Variants in DEAF1 observed in about 807,000 individuals in gnomAD.
DEAF1 encodes the protein deformed epidermal autoregulatory factor 1 homolog.
DEAF1 carries 53 observed loss-of-function variants against 58.9 expected under a neutral mutation model. That is an observed-to-expected ratio of 0.90 (90% confidence interval 0.72 to 1.13). The LOEUF is 1.13. DEAF1 is among the 50% of genes most tolerant of loss of function. The pLI, the probability that DEAF1 is intolerant of heterozygous loss-of-function variation, is 0.00. For synonymous variants in DEAF1, 385 were observed against 340.4 expected (o/e 1.13, Z -1.44); for missense variants, 685 against 791.4 (o/e 0.87, Z 1.61).
chr11:666,889 A>G (rs1236551480), intron 10 of DEAF1, among the ~76,000 whole-genome samples: 30 of 151,538 alleles, frequency 2.0e-4, no homozygotes, highest in Admixed American at 1.2e-3. Context: ...AAAAAAAAAA[A>G]AAAAAAAAGA....
chr11:688,052 G>A lies in DEAF1; in HGVS notation c.523C>T (p.Gln175Ter), dbSNP rs778428564. 6.2e-7 allele frequency: 1 copy of A among 1,614,006 alleles called. No individual in the cohort carries two copies. Among genetic ancestry groups the A allele is most frequent in the Non-Finnish European group, 8.5e-7 (1 of 1,180,012 alleles). ...GGAGCCAGAGGGGTTGGAGGAGACT[G>A]AGGACCTTGGGCAGAGAAAGTGTTT... ...GPAAPLTPGPQSPPTPLAPGQ... is the reference protein window; with the variant it reads ...GPAAPLTPGP Residue 175 changes from glutamine (Q) to a stop codon, truncating the protein, a stop_gained, in exon 4 of 12, where the codon CAG becomes TAG. Coordinates refer to ENST00000382409, the MANE Select transcript of DEAF1 (RefSeq NM_021008.4). LOFTEE classifies it high-confidence loss of function. This position sits in a 1 kb window ranked among gnomAD's most constrained non-coding sequence, Gnocchi z 4.3.
chr11:674,499 G>A lies in DEAF1; in HGVS notation c.1503+37C>T, dbSNP rs6597996. Reference sequence around the variant, plus strand: ...GCACCAGGGTGGCCTGGGGTTACTCGGCACAGGTCGTGTCTTCCCATTTGT... The same window carrying A: ...GCACCAGGGTGGCCTGGGGTTACTCAGCACAGGTCGTGTCTTCCCATTTGT... On this transcript the variant is annotated intron_variant, in intron 10 of 11. Transcript: ENST00000382409. The A allele has an allele frequency of 0.55, 882,752 of 1,612,726 alleles. 245,865 individuals carry two copies. The highest frequency in any genetic ancestry group is 0.73 in the East Asian group (32,955 of 44,850).
Position 694,773 on chromosome 11 carries a change from G to T in DEAF1, c.275C>A (p.Ala92Asp), listed in dbSNP as rs937559954. 4 of 1,323,634 alleles carry T rather than the reference G, an allele frequency of 3.0e-6. No individual in the cohort carries two copies. The South Asian group carries it at 6.2e-5, about 21-fold the overall frequency. 82.0% of individuals were successfully genotyped at this position (1,323,634 alleles called of 1,614,324 possible). ...ALPGPDEAAA[A>D]AAFAEVTTVT... ...GGCGCACTTGCCTGCGAAGGCTGCG[G>T]CAGCGGCGGCCTCGTCGGGGCCGGG... Residue 92 changes from alanine to aspartate, a missense_variant, in exon 1 of 12, where the codon GCC (alanine) becomes GAC (aspartate). Ala to Asp is a moderately radical substitution (Grantham distance 126, BLOSUM62 -2). This residue lies in a region of DEAF1 where 210 missense variants were observed against 177.3 expected (regional missense o/e 1.18). Coordinates refer to ENST00000382409, the MANE Select transcript of DEAF1 (RefSeq NM_021008.4).
intron 10 of DEAF1, among the ~76,000 whole-genome samples, chr11:654,416 C>T (rs778843953): frequency 2.6e-5 from 4 of 151,152 alleles, no homozygotes; most frequent in East Asian, 2.0e-4. Flanking sequence ...CCACCTGCCT[C>T]GGCCTCCCAA....
chr11:644,744 C>T lies in DEAF1; in HGVS notation c.1594-90G>A. On this transcript the variant is annotated intron_variant, in intron 11 of 11. Transcript: ENST00000382409. The surrounding 1 kb of genome is among the most constrained non-coding windows in gnomAD (Gnocchi z 4.3). ...CCAAGGCAGACCCCAGAGGGTGCAG[C>T]CCTCTGTAACCTCACCTGGAGGTGC... is the stretch of plus-strand genomic sequence containing the variant. The T allele has an allele frequency of 1.0e-6, 1 of 998,124 alleles. No individual in the cohort carries two copies. The highest frequency in any genetic ancestry group is 1.5e-6 in the Non-Finnish European group (1 of 654,740). 61.8% of individuals were successfully genotyped at this position (998,124 alleles called of 1,614,324 possible).
intron 10 of DEAF1, among the ~76,000 whole-genome samples, chr11:660,668 G>A (rs1469057361): frequency 6.6e-6 from 1 of 152,256 alleles, no homozygotes; most frequent in Non-Finnish European, 1.5e-5. Flanking sequence ...ACGGCAGGAC[G>A]TTGGTCCAGT....
At chr11:690,363 GGGGAGGGCAGGGGA>G in intron 2 of DEAF1, among the ~76,000 whole-genome samples, 4 of 114,202 alleles carry the variant, frequency 3.5e-5, no homozygotes, top group Non-Finnish European at 5.5e-5. Flanking sequence ...GGGCAGGGGA[GGGGAGGGCAGGGGA>G]GGGGGTTTCC....
Position 653,892 on chromosome 11 carries a change from A to G in DEAF1, c.1593+70T>C. 3.6e-6 allele frequency: 5 copies of G among 1,402,398 alleles called. No homozygotes were observed. The Admixed American group carries it at 6.7e-5, about 19-fold the overall frequency. 86.9% of individuals were successfully genotyped at this position (1,402,398 alleles called of 1,614,324 possible). On this transcript the variant is annotated intron_variant, in intron 11 of 11. Transcript: ENST00000382409. ...TGGCACCAGGAGCACAAGGGGAGGG[A>G]GGGCCACCCAGGGGTCTTCGTAGCG...
intron 9 of DEAF1, among the ~76,000 whole-genome samples, chr11:675,233 T>C (rs943028668): frequency 2.0e-5 from 3 of 152,004 alleles, no homozygotes; most frequent in African/African-American, 7.2e-5. Context: ...ATAAAAATTC[T>C]CATCACCCGG....
At chr11:699,081 A>C (rs925526061), upstream of DEAF1, 910 of 677,604 alleles carry the variant, frequency 1.3e-3, 5 homozygotes, top group South Asian at 3.5e-3. Flanking sequence ...TCCATCCCCT[A>C]CCTGCTCAGC....
intron 11 of DEAF1, chr11:651,426 A>C: frequency 3.0e-6 from 1 of 330,074 alleles, no homozygotes; most frequent in Non-Finnish European, 5.7e-6. Flanking sequence ...AAAAAAAAAA[A>C]AAAATTAAAT....
intron 10 of DEAF1, among the ~76,000 whole-genome samples, chr11:663,373 G>C (rs574738028): frequency 5.3e-5 from 8 of 152,298 alleles, no homozygotes; most frequent in African/African-American, 9.6e-5. Context: ...GCTTGCACCC[G>C]GGAGGCGGAG....
In DEAF1 at chr11:676,326, C is replaced by T. The variant is rs1293600048; in HGVS notation, c.1256-1543G>A. 1.0e-4 allele frequency among the ~76,000 whole-genome samples: 2 copies of T among 19,504 alleles called. 1 individual carries two copies. The highest frequency in any genetic ancestry group is 8.0e-4 in the African/African-American group (2 of 2,490). The allele number at this position is 19,504 out of a possible 152,430, so 12.8% of individuals were successfully genotyped here. A position where few individuals can be genotyped will look rare whatever the true frequency, so the allele number is the denominator to read the frequency against. ...CCCCCAGCACCCGACATCCCCCCAG[C>T]ACCCGACATCCCCCCAGCACCTGAC... is the stretch of plus-strand genomic sequence containing the variant. On this transcript the variant is annotated intron_variant, in intron 9 of 11. Coordinates refer to ENST00000382409, the MANE Select transcript of DEAF1 (RefSeq NM_021008.4).
In DEAF1 at chr11:687,254, C is replaced by A. The variant is rs1023461703; in HGVS notation, c.665-257G>T. Among the ~76,000 whole-genome samples, 3 of 152,316 alleles carry A rather than the reference C, an allele frequency of 2.0e-5. No homozygotes were observed. In the South Asian group the frequency reaches 6.2e-4, roughly 32 times the overall value. On this transcript the variant is annotated intron_variant, in intron 4 of 11. Coordinates refer to ENST00000382409, the MANE Select transcript of DEAF1 (RefSeq NM_021008.4). ...GCTCAACCAGGTCCCACACTGAGCA[C>A]CTCTGGTACCCACTTCCAGAGCCTT...
At chr11:673,298 G>A (rs567272113) in intron 10 of DEAF1, among the ~76,000 whole-genome samples, 50 of 152,276 alleles carry the variant, frequency 3.3e-4, no homozygotes, top group Non-Finnish European at 1.0e-4. Context: ...AGGCTGAGGC[G>A]GGTGGATCAC....
chr11:676,552 G>C (rs1030506577), intron 9 of DEAF1, among the ~76,000 whole-genome samples: 4 of 151,698 alleles, frequency 2.6e-5, no homozygotes, highest in African/African-American at 9.7e-5. Context: ...TCGCTGTGTC[G>C]CCCAGGCTGG....
intron 10 of DEAF1, 114 bp from the exon 11 acceptor site, chr11:654,165 CTTTTTTTTTT>C: frequency 7.3e-6 from 3 of 410,992 alleles, no homozygotes; most frequent in South Asian, 2.1e-5. Context: ...ATTGGACCCC[CTTTTTTTTTT>C]TTTTTTTTTT....
At chr11:704,001 G>A (rs1027404820) in intron 1 of DEAF1, 2 of 1,219,434 alleles carry the variant, frequency 1.6e-6, no homozygotes, top group African/African-American at 1.6e-5. Flanking sequence ...TATCTAAGCT[G>A]TTACAGTAGC....
chr11:669,741 C>A (rs1342883281), intron 10 of DEAF1, among the ~76,000 whole-genome samples: 1 of 151,212 alleles, frequency 6.6e-6, no homozygotes, highest in African/African-American at 2.4e-5. Flanking sequence ...ACCAGCCTGA[C>A]AAACATGGTG....
Sources: allele counts gnomAD v4.1 joint callset (sites outside exome capture counted in the v4.1 genomes callset), GRCh38; gene constraint gnomAD v4.1.1; regional missense constraint gnomAD v4.1.1; non-coding constraint Gnocchi (gnomAD v3.1); transcripts MANE v1.5; gene names NCBI Gene and HGNC (gene_info 2026-07-23, HGNC 2026-07-21).